The following TAFA5 variants were observed in gnomAD, a reference collection of about 807,000 sequenced individuals.
TAFA5 encodes chemokine-like protein TAFA-5.
TAFA5 carries 6 observed loss-of-function variants against 15.3 expected under a neutral mutation model. That is an observed-to-expected ratio of 0.39 (90% CI 0.21 to 0.77). The LOEUF (loss-of-function observed/expected upper bound fraction) is 0.77. Ranked by LOEUF, TAFA5 falls within the 30% of genes least tolerant of loss-of-function variation. The probability of loss-of-function intolerance (pLI) is 0.41; values close to 1 mark genes in which losing one functional copy is unlikely to be tolerated. For synonymous variants in TAFA5, 103 were observed against 80.7 expected, an observed-to-expected ratio of 1.28 and a Z score of -1.48; for missense variants, 161 against 193.1, an observed-to-expected ratio of 0.83 and a Z score of 0.98.
intron 1 of TAFA5, among the ~76,000 whole-genome samples, chr22:48,594,944 G>A (rs1246075284): frequency 6.6e-6 from 1 of 151,398 alleles, no homozygotes; most frequent in East Asian, 2.0e-4. Context: ...GCACACCTTC[G>A]GCTGAGCAGG....
chr22:48,542,230 CTG>C lies in TAFA5; in HGVS notation c.112+52537_112+52538del, dbSNP rs374100646. On this transcript the variant is annotated intron_variant, in intron 1 of 3. Transcript: ENST00000402357. Reference sequence around the variant, plus strand: ...ATGTACATGATGTGTGGTGTGTGTGCTGTGTGTGTGTGCATATGTGTGTGTAT... The same window carrying C: ...ATGTACATGATGTGTGGTGTGTGTGCTGTGTGTGTGCATATGTGTGTGTAT... 9.5e-3 allele frequency among the ~76,000 whole-genome samples: 962 copies of C among 101,132 alleles called. 15 individuals carry two copies. The highest frequency in any genetic ancestry group is 0.033 in the African/African-American group (813 of 24,554). The allele number at this position is 101,132 out of a possible 152,430, so 66.3% of individuals were successfully genotyped here.
chr22:48,536,392 G>A (rs370466511), intron 1 of TAFA5, among the ~76,000 whole-genome samples: 2 of 152,228 alleles, frequency 1.3e-5, no homozygotes, highest in Admixed American at 6.5e-5. Context: ...AGACGAGCCC[G>A]GAGAGGCAGG....
At chr22:48,512,460 T>C (rs1332776121) in intron 1 of TAFA5, among the ~76,000 whole-genome samples, 2 of 151,132 alleles carry the variant, frequency 1.3e-5, no homozygotes, top group African/African-American at 4.9e-5. Flanking sequence ...TACAAAAAAT[T>C]AGCCGGGTGC....
rs897683005 is a variant in TAFA5 at position 48,552,106 on chromosome 22, C to T, written c.112+62402C>T. 3.3e-5 allele frequency among the ~76,000 whole-genome samples: 5 copies of T among 152,232 alleles called. No individual in the cohort carries two copies. Among genetic ancestry groups the T allele is most frequent in the African/African-American group, 1.2e-4 (5 of 41,454 alleles). Reference sequence around the variant, plus strand: ...TGTCACTGTGGCTGTGTGGCTGCAGCCTGTGCACTGTGAGCCCTCCTTGTG... The same window carrying T: ...TGTCACTGTGGCTGTGTGGCTGCAGTCTGTGCACTGTGAGCCCTCCTTGTG... On this transcript the variant is annotated intron_variant, in intron 1 of 3. Transcript: ENST00000402357. The surrounding 1 kb of genome is among the most constrained non-coding windows in gnomAD (Gnocchi z 4.1).
chr22:48,737,625 A>ACT (rs1173574384), intron 3 of TAFA5, among the ~76,000 whole-genome samples: 78 of 152,316 alleles, frequency 5.1e-4, no homozygotes, highest in African/African-American at 1.7e-3. Context: ...CGGAAGGGGA[A>ACT]GGTTGGAAGT....
intron 3 of TAFA5, among the ~76,000 whole-genome samples, chr22:48,737,732 C>T (rs1569100084): frequency 1.3e-5 from 2 of 152,224 alleles, no homozygotes; most frequent in Non-Finnish European, 2.9e-5. Context: ...GCCAGCCCTG[C>T]TCCCTAGCGC....
At chr22:48,527,933 C>T (rs1196437517) in intron 1 of TAFA5, among the ~76,000 whole-genome samples, 1 of 152,234 alleles carries the variant, frequency 6.6e-6, no homozygotes, top group Non-Finnish European at 1.5e-5. Flanking sequence ...CAGGCGCGCT[C>T]TTCTTCAGGC....
chr22:48,704,691 T>C (rs913951041), intron 2 of TAFA5, among the ~76,000 whole-genome samples: 1 of 150,608 alleles, frequency 6.6e-6, no homozygotes, highest in African/African-American at 2.5e-5. Context: ...AGGGAGACAC[T>C]GATTCTCAGC....
At chr22:48,514,182 A>G (rs964599633) in intron 1 of TAFA5, among the ~76,000 whole-genome samples, 8 of 152,162 alleles carry the variant, frequency 5.3e-5, no homozygotes, top group African/African-American at 1.9e-4. Context: ...TGGGCTCGGG[A>G]TGAAATGAAT....
intron 1 of TAFA5, among the ~76,000 whole-genome samples, chr22:48,499,768 C>A (rs141523365): frequency 2.0e-4 from 30 of 152,362 alleles, no homozygotes; most frequent in Admixed American, 5.9e-4. Context: ...GTTTCCAGGG[C>A]CGTCTTCCTC....
chr22:48,575,510 G>C (rs562743939), intron 1 of TAFA5, among the ~76,000 whole-genome samples: 1 of 146,242 alleles, frequency 6.8e-6, no homozygotes, highest in Admixed American at 6.8e-5. Context: ...GAGCCGAGCG[G>C]GCGGGCGCGC....
intron 1 of TAFA5, among the ~76,000 whole-genome samples, chr22:48,574,103 G>A (rs1306234363): frequency 6.6e-6 from 1 of 152,138 alleles, no homozygotes; most frequent in Non-Finnish European, 1.5e-5. Context: ...GGGGTGGAGA[G>A]CAGGAAACAG....
chr22:48,614,525 G>A (rs1925527026), intron 1 of TAFA5, among the ~76,000 whole-genome samples: 1 of 152,188 alleles, frequency 6.6e-6, no homozygotes, highest in African/African-American at 2.4e-5. Flanking sequence ...CAAGGCAGGA[G>A]GACCCCGGGC....
intron 2 of TAFA5, among the ~76,000 whole-genome samples, chr22:48,681,242 C>T (rs11914128): frequency 4.6e-5 from 7 of 152,134 alleles, no homozygotes; most frequent in African/African-American, 1.4e-4. Flanking sequence ...TGCCTGGAAC[C>T]GAGTTTCCCC....
At chr22:48,705,891 C>A (rs1929062770) in intron 2 of TAFA5, among the ~76,000 whole-genome samples, 1 of 152,224 alleles carries the variant, frequency 6.6e-6, no homozygotes, top group Non-Finnish European at 1.5e-5. Context: ...AACAGGTATC[C>A]TGGGGAACTA....
chr22:48,567,969 A>G (rs1393098635), intron 1 of TAFA5, among the ~76,000 whole-genome samples: 1 of 152,224 alleles, frequency 6.6e-6, no homozygotes, highest in Non-Finnish European at 1.5e-5. Flanking sequence ...AGTGAAGAGC[A>G]TGGATCCACC....
chr22:48,666,542 G>C (rs1927619744), intron 2 of TAFA5, among the ~76,000 whole-genome samples: 1 of 152,212 alleles, frequency 6.6e-6, no homozygotes, highest in Admixed American at 6.5e-5. Flanking sequence ...AGGCAATACT[G>C]AGACCCGTGA....
At chr22:48,537,073 C>A (rs1043154344) in intron 1 of TAFA5, among the ~76,000 whole-genome samples, 1 of 152,218 alleles carries the variant, frequency 6.6e-6, no homozygotes, top group African/African-American at 2.4e-5. Context: ...CAAACAAAAA[C>A]CCCCTCGGCC....
At chr22:48,516,338 C>G (rs534559101) in intron 1 of TAFA5, among the ~76,000 whole-genome samples, 5 of 152,116 alleles carry the variant, frequency 3.3e-5, no homozygotes, top group South Asian at 2.1e-4. Context: ...CAATCCACCC[C>G]CTTTGTGCCA....
Sources: allele counts gnomAD v4.1 joint callset (sites outside exome capture counted in the v4.1 genomes callset), GRCh38; gene constraint gnomAD v4.1.1; non-coding constraint Gnocchi (gnomAD v3.1); transcripts MANE v1.5; gene names NCBI Gene and HGNC (gene_info 2026-07-23, HGNC 2026-07-21).